Variants in QTGAL observed in about 807,000 individuals in gnomAD.
QTGAL encodes queuosine-tRNA galactosyltransferase, also known as BGnT-like protein 1.
the QTGAL span, among the ~76,000 whole-genome samples, chr17:82,974,019 G>A: frequency 2.1e-4 from 32 of 152,174 alleles, no homozygotes; most frequent in Non-Finnish European, 3.1e-4. Context: ...ACCGTGGGTC[G>A]AGAGGGTGTC....
the QTGAL span, among the ~76,000 whole-genome samples, chr17:82,965,088 G>A: frequency 5.1e-3 from 758 of 147,324 alleles, 6 homozygotes; most frequent in African/African-American, 0.019. Flanking sequence ...GGGGAGGACG[G>A]GGACACGGAT....
At chr17:82,947,954 A>C in the QTGAL span, 1 of 152,228 alleles carries the variant, frequency 6.6e-6, no homozygotes, top group Non-Finnish European at 1.5e-5. Context: ...ACCGTCTTAA[A>C]CAAGACTCTG....
At chr17:83,021,114 T>C in the QTGAL span, among the ~76,000 whole-genome samples, 2 of 151,016 alleles carry the variant, frequency 1.3e-5, no homozygotes, top group African/African-American at 5.0e-5. Context: ...CTTCTCTGTA[T>C]GTGTTTTTCT....
At chr17:83,022,378 G>C in the QTGAL span, among the ~76,000 whole-genome samples, 1,870 of 27,106 alleles carry the variant, frequency 0.069, 62 homozygotes, top group Middle Eastern at 0.12. Context: ...ACTGTCCCCG[G>C]CCCACCTGCA....
At chr17:83,026,431 G>A in the QTGAL span, among the ~76,000 whole-genome samples, 2 of 152,274 alleles carry the variant, frequency 1.3e-5, no homozygotes, top group African/African-American at 4.8e-5. Context: ...TCAGCAGAAT[G>A]CTGTACAGCA....
At chr17:82,957,333 G>T in the QTGAL span, 2 of 1,613,758 alleles carry the variant, frequency 1.2e-6, no homozygotes, top group Non-Finnish European at 1.7e-6. Flanking sequence ...AGGGCAGGCA[G>T]TGTTGGAGGG....
chr17:83,014,534 A>G, the QTGAL span: 1 of 1,613,724 alleles, frequency 6.2e-7, no homozygotes, highest in Non-Finnish European at 8.5e-7. Context: ...AGTAAAGAAC[A>G]CACTTTCCGT....
the QTGAL span, chr17:82,942,578 T>A: frequency 1.4e-6 from 2 of 1,457,370 alleles, no homozygotes. Context: ...AGGGTAGCGC[T>A]GGCCCTTGGA....
the QTGAL span, among the ~76,000 whole-genome samples, chr17:82,959,697 GC>G: frequency 7.3e-5 from 6 of 82,404 alleles, no homozygotes; most frequent in South Asian, 3.7e-3. Flanking sequence ...CCAGAAGAAA[GC>G]GGGGGGCCTC....
At chr17:83,006,764 T>C in the QTGAL span, 5 of 985,354 alleles carry the variant, frequency 5.1e-6, no homozygotes, top group African/African-American at 1.7e-5. The surrounding 1 kb of genome is among the most constrained non-coding windows in gnomAD (Gnocchi z 5.8). Flanking sequence ...CATGTAACAG[T>C]AGTCAGGTCC....
the QTGAL span, chr17:82,944,479 A>G: frequency 1.3e-5 from 2 of 152,272 alleles, no homozygotes; most frequent in African/African-American, 2.4e-5. Context: ...ACTGAGTGCT[A>G]TGAACAAAGA....
At chr17:82,985,902 TGAA>T in the QTGAL span, among the ~76,000 whole-genome samples, 5 of 152,212 alleles carry the variant, frequency 3.3e-5, no homozygotes, top group Non-Finnish European at 5.9e-5. Flanking sequence ...TGTGTGTCCC[TGAA>T]GAAGTGGCAC....
the QTGAL span, among the ~76,000 whole-genome samples, chr17:82,970,632 C>CGACCTCCCCACCCGGCGTGGCCGT: frequency 3.7e-4 from 11 of 29,858 alleles, 2 homozygotes; most frequent in Non-Finnish European, 6.5e-4. Context: ...GGCGTGGCCG[C>CGACCTCCCCACCCGGCGTGGCCGT]GACCTCCGCA....
At chr17:82,956,763 G>A in the QTGAL span, 3 of 1,580,564 alleles carry the variant, frequency 1.9e-6, no homozygotes, top group Non-Finnish European at 1.7e-6. The surrounding 1 kb of genome is among the most constrained non-coding windows in gnomAD (Gnocchi z 5.7). Context: ...CGGGGCTTGG[G>A]TCTTTCCTGA....
the QTGAL span, among the ~76,000 whole-genome samples, chr17:82,950,179 G>A: frequency 2.6e-5 from 4 of 152,234 alleles, no homozygotes; most frequent in Middle Eastern, 3.2e-3. Context: ...ACAGGTGACC[G>A]TGGGGGCTCT....
At chr17:83,048,925 C>T in the QTGAL span, 1 of 687,418 alleles carries the variant, frequency 1.5e-6, no homozygotes, top group Non-Finnish European at 2.6e-6. Flanking sequence ...AGGCTCTTAA[C>T]ATGCTTGTAA....
chr17:83,047,935 T>C, the QTGAL span, among the ~76,000 whole-genome samples: 1 of 152,198 alleles, frequency 6.6e-6, no homozygotes, highest in African/African-American at 2.4e-5. Flanking sequence ...TTAGGTCTAC[T>C]AAGGTTCTTT....
chr17:82,959,414 C>T, the QTGAL span, among the ~76,000 whole-genome samples: 50 of 151,562 alleles, frequency 3.3e-4, no homozygotes, highest in East Asian at 5.1e-3. Context: ...TGTATACTTT[C>T]GTGCACGTAT....
chr17:82,968,182 C>T, the QTGAL span, among the ~76,000 whole-genome samples: 204 of 152,038 alleles, frequency 1.3e-3, no homozygotes, highest in Middle Eastern at 0.014. Context: ...CACCCGTCCC[C>T]GTGTGTTCAC....
Sources: allele counts gnomAD v4.1 joint callset (sites outside exome capture counted in the v4.1 genomes callset), GRCh38; gene constraint gnomAD v4.1.1; non-coding constraint Gnocchi (gnomAD v3.1); transcripts MANE v1.5; gene names NCBI Gene and HGNC (gene_info 2026-07-23, HGNC 2026-07-21).